Variants in FMN2 observed in about 807,000 individuals in gnomAD.
The protein encoded by FMN2 is formin-2.
FMN2 carries 51 observed loss-of-function variants against 142.3 expected under a neutral mutation model. The observed-to-expected ratio is 0.36, with a 90% confidence interval of 0.29 to 0.45. The LOEUF is 0.45. Ranked by LOEUF, FMN2 falls within the 20% of genes least tolerant of loss-of-function variation. The pLI is 1.00. For missense variants in FMN2, 1,936 were observed against 2,122.8 expected (o/e 0.91, Z 1.73); for synonymous variants, 882 against 869.8 (o/e 1.01, Z -0.25).
intron 2 of FMN2, among the ~76,000 whole-genome samples, chr1:240,154,103 C>A (rs1235885374): frequency 2.9e-5 from 1 of 33,910 alleles, no homozygotes; most frequent in Non-Finnish European, 6.9e-5. Flanking sequence ...AAGTGAGATT[C>A]CATCAAAAAA....
intron 14 of FMN2, among the ~76,000 whole-genome samples, chr1:240,369,407 T>G (rs1672789332): frequency 1.3e-5 from 2 of 152,176 alleles, no homozygotes; most frequent in Admixed American, 1.3e-4. Flanking sequence ...AAATATAGAA[T>G]TATTATTTTA....
intron 2 of FMN2, chr1:240,143,288 A>G: frequency 6.5e-7 from 1 of 1,539,440 alleles, no homozygotes. Flanking sequence ...TGTTGATTTG[A>G]AACAGAGATG....
chr1:240,294,443 T>A (rs1307140991), intron 7 of FMN2, among the ~76,000 whole-genome samples: 2 of 152,244 alleles, frequency 1.3e-5, no homozygotes, highest in Non-Finnish European at 2.9e-5. Flanking sequence ...CTAGATATAC[T>A]GGTGAATTTA....
At chr1:240,125,641 G>T (rs538797857) in intron 2 of FMN2, among the ~76,000 whole-genome samples, 45 of 152,298 alleles carry the variant, frequency 3.0e-4, no homozygotes, top group African/African-American at 1.0e-3. Context: ...CTCCTTTAAA[G>T]CCCAGAAGTG....
intron 2 of FMN2, among the ~76,000 whole-genome samples, chr1:240,139,085 C>T (rs1408251218): frequency 3.9e-5 from 6 of 152,184 alleles, no homozygotes; most frequent in Admixed American, 3.9e-4. Context: ...TTTCTAACAA[C>T]TTCCCAGGTG....
intron 7 of FMN2, among the ~76,000 whole-genome samples, chr1:240,293,803 C>T (rs976733268): frequency 1.3e-5 from 2 of 152,140 alleles, no homozygotes; most frequent in African/African-American, 2.4e-5. Flanking sequence ...GCTCCAAATA[C>T]AAATGCTAAA....
At chr1:240,149,441 G>T (rs919416487) in intron 2 of FMN2, among the ~76,000 whole-genome samples, 1 of 152,104 alleles carries the variant, frequency 6.6e-6, no homozygotes, top group Non-Finnish European at 1.5e-5. Context: ...CTTTGTTGTT[G>T]GTTAATTCTA....
intron 4 of FMN2, among the ~76,000 whole-genome samples, chr1:240,200,066 C>T (rs1397740071): frequency 6.6e-6 from 1 of 152,144 alleles, no homozygotes; most frequent in African/African-American, 2.4e-5. Flanking sequence ...TAGGCTCTAT[C>T]TAGCTGCACC....
At chr1:240,320,267 G>A (rs182060385) in intron 8 of FMN2, among the ~76,000 whole-genome samples, 7 of 152,004 alleles carry the variant, frequency 4.6e-5, no homozygotes, top group Non-Finnish European at 8.8e-5. Context: ...GAAAAAGACT[G>A]GGGGAGAGGG....
intron 6 of FMN2, among the ~76,000 whole-genome samples, chr1:240,243,593 T>G (rs1667984492): frequency 6.6e-6 from 1 of 152,242 alleles, no homozygotes; most frequent in South Asian, 2.1e-4. Context: ...AATAAAACAC[T>G]AGCACCTGGC....
intron 1 of FMN2, among the ~76,000 whole-genome samples, chr1:240,115,076 A>G (rs1461707701): frequency 6.6e-6 from 1 of 152,132 alleles, no homozygotes; most frequent in East Asian, 1.9e-4. Flanking sequence ...TAAATGCCTC[A>G]TTATTTCCTA....
In FMN2 at chr1:240,329,368, A is replaced by C; in HGVS notation, c.4337A>C (p.Asn1446Thr). Residue 1446 changes from asparagine to threonine, a missense_variant, in exon 10 of 18, where the codon AAC becomes ACC. Around this residue, in one of 8 missense-constraint regions of FMN2, gnomAD observed 322 missense variants for 401.6 expected, o/e 0.80. Transcript: ENST00000319653. The stretch of plus-strand genomic sequence containing the variant: ...CTTTATGAACTGTCACTAATCCCCA[A>C]CTTTTCAGAGCGAGTCTTTTGCATC... Reference protein sequence around the residue: ...QFLYELSLIPNFSERVFCILF... With the variant: ...QFLYELSLIPTFSERVFCILF... The C allele has an allele frequency of 6.2e-7, 1 of 1,613,550 alleles. No individual in the cohort carries two copies. The highest frequency in any genetic ancestry group is 1.1e-5 in the South Asian group (1 of 90,918).
intron 15 of FMN2, among the ~76,000 whole-genome samples, chr1:240,424,366 A>G (rs1674867104): frequency 6.6e-6 from 1 of 152,194 alleles, no homozygotes; most frequent in East Asian, 1.9e-4. Flanking sequence ...TAGATAAGTA[A>G]GGAGAAATGG....
intron 2 of FMN2, chr1:240,143,800 T>C: frequency 6.6e-7 from 1 of 1,519,306 alleles, no homozygotes; most frequent in Non-Finnish European, 9.1e-7. Context: ...AGGACCCCAC[T>C]GCTATCATTC....
intron 2 of FMN2, chr1:240,170,724 C>T: frequency 6.5e-7 from 1 of 1,534,256 alleles, no homozygotes; most frequent in Non-Finnish European, 9.0e-7. Flanking sequence ...CTGCTGTGAA[C>T]ACTGTCAAGG....
chr1:240,270,837 G>T (rs903851822), intron 7 of FMN2, among the ~76,000 whole-genome samples: 1 of 151,818 alleles, frequency 6.6e-6, no homozygotes, highest in Admixed American at 6.6e-5. Context: ...GAGGCTGAGG[G>T]GACAGGATGG....
intron 13 of FMN2, among the ~76,000 whole-genome samples, chr1:240,355,303 T>TAA (rs1672226635): frequency 6.6e-6 from 1 of 152,188 alleles, no homozygotes. Flanking sequence ...TATACTAACA[T>TAA]TACCACCCAT....
intron 1 of FMN2, among the ~76,000 whole-genome samples, chr1:240,114,467 G>A (rs1661940603): frequency 6.6e-6 from 1 of 152,144 alleles, no homozygotes; most frequent in African/African-American, 2.4e-5. Flanking sequence ...GGCCCACCAT[G>A]TCTGGCTTTC....
intron 7 of FMN2, among the ~76,000 whole-genome samples, chr1:240,265,418 C>T (rs929953191): frequency 9.9e-5 from 15 of 152,084 alleles, no homozygotes; most frequent in African/African-American, 3.4e-4. Context: ...GGTCCCATAA[C>T]ATTATAATGG....
Sources: gnomAD v4.1 joint callset for allele counts (sites outside exome capture counted in the v4.1 genomes callset) on GRCh38, gnomAD v4.1.1 for gene constraint, gnomAD v4.1.1 regional missense constraint, MANE v1.5 for transcripts, NCBI Gene and HGNC (gene_info 2026-07-23, HGNC 2026-07-21) for gene names.